Variants in ADGRL2 observed in about 807,000 individuals in gnomAD.
ADGRL2 encodes the protein adhesion G protein-coupled receptor L2.
Under a neutral mutation model 157.4 loss-of-function variants are expected in ADGRL2, and 44 were observed. The observed-to-expected ratio is 0.28, with a 90% confidence interval of 0.22 to 0.36. The LOEUF (loss-of-function observed/expected upper bound fraction) is 0.36, where lower values mean the gene tolerates loss of function less well. Ranked by LOEUF, ADGRL2 falls within the 10% of genes least tolerant of loss-of-function variation. ADGRL2 has a pLI of 1.00. For missense variants in ADGRL2, 1,510 were observed against 1,768.9 expected (o/e 0.85, Z 2.63); for synonymous variants, 585 against 624.7 (o/e 0.94, Z 0.95).
At chr1:81,382,805 A>C (rs2076365785) in intron 1 of ADGRL2, among the ~76,000 whole-genome samples, 1 of 152,238 alleles carries the variant, frequency 6.6e-6, no homozygotes, top group Admixed American at 6.5e-5. Flanking sequence ...GATTTTTATT[A>C]AGTGTGTAGA....
At chr1:81,698,929 TG>T, upstream of ADGRL2, among the ~76,000 whole-genome samples, 1 of 152,158 alleles carries the variant, frequency 6.6e-6, no homozygotes, top group East Asian at 1.9e-4. Context: ...ATAAATTAAC[TG>T]TCTACTGCTC....
chr1:81,377,015 C>A lies in ADGRL2; in HGVS notation c.-301-68021C>A, dbSNP rs752338887. ...CCAGACTGAGCCAAAAAGCGAGACA[C>A]CATCTCTCCAAAAAAAATTTTTTTT... On this transcript the variant is annotated intron_variant, in intron 1 of 24. Transcript: ENST00000370721. Among the ~76,000 whole-genome samples, 170 of 152,164 alleles carry A rather than the reference C, an allele frequency of 1.1e-3. 2 individuals carry two copies. The highest frequency in any genetic ancestry group is 4.1e-4 in the Non-Finnish European group (28 of 68,002).
At chr1:81,700,060 T>G (rs539602988) in intron 1 of ADGRL2, among the ~76,000 whole-genome samples, 1 of 152,320 alleles carries the variant, frequency 6.6e-6, no homozygotes, top group East Asian at 1.9e-4. Flanking sequence ...GCTGTGCTTG[T>G]GTGGTAACGG....
At chr1:81,792,982 A>G (rs893870550) in intron 2 of ADGRL2, among the ~76,000 whole-genome samples, 7 of 152,074 alleles carry the variant, frequency 4.6e-5, no homozygotes, top group Non-Finnish European at 8.8e-5. Context: ...TCTGCACTCA[A>G]GTCTTTTTGC....
chr1:81,984,854 A>G (rs761475179), intron 20 of ADGRL2, 143 bp downstream of exon 20: 14 of 892,288 alleles, frequency 1.6e-5, no homozygotes, highest in African/African-American at 6.8e-5. Context: ...TTTGGTTTCA[A>G]TGTCTTCTTA....
intron 1 of ADGRL2, among the ~76,000 whole-genome samples, chr1:81,393,583 T>C (rs1411084514): frequency 6.6e-6 from 1 of 152,114 alleles, no homozygotes; most frequent in Non-Finnish European, 1.5e-5. Flanking sequence ...TGTTGTCTTG[T>C]TTTAATTTAG....
intron 2 of ADGRL2, among the ~76,000 whole-genome samples, chr1:81,851,470 T>C (rs999103904): frequency 3.3e-5 from 5 of 152,016 alleles, no homozygotes; most frequent in Admixed American, 2.6e-4. Flanking sequence ...GTGAATTCTT[T>C]AGTAACTAGA....
intron 1 of ADGRL2, among the ~76,000 whole-genome samples, chr1:81,351,251 C>T (rs1266178198): frequency 3.3e-5 from 5 of 150,896 alleles, no homozygotes; most frequent in Admixed American, 3.3e-4. Context: ...TTTTTTTAAC[C>T]CTCTCTTTTT....
intron 2 of ADGRL2, among the ~76,000 whole-genome samples, chr1:81,476,019 A>G (rs1557718073): frequency 6.6e-6 from 1 of 152,214 alleles, no homozygotes; most frequent in Middle Eastern, 3.2e-3. Context: ...CAGTGCTTCC[A>G]TAGGTGTCAG....
intron 2 of ADGRL2, among the ~76,000 whole-genome samples, chr1:81,893,131 G>A (rs1221448206): frequency 3.3e-5 from 5 of 152,094 alleles, no homozygotes; most frequent in Non-Finnish European, 7.4e-5. Flanking sequence ...ATGGAGATAG[G>A]CACAGTGCAT....
At position 81,408,157 on chromosome 1, in the gene ADGRL2, G is replaced by T. The variant is rs76232751; in HGVS notation, c.-301-36879G>T. ...ATCATTATCATAAGCATTAGGGATA[G>T]CTTGCTTGAGGAATTCAGGACCACA... On this transcript the variant is annotated intron_variant, in intron 1 of 24. Transcript: ENST00000370721. 4.3e-3 allele frequency among the ~76,000 whole-genome samples: 655 copies of T among 152,262 alleles called. 5 individuals are homozygous for T. Among genetic ancestry groups the T allele is most frequent in the African/African-American group, 0.014 (601 of 41,552 alleles).
At chr1:81,607,239 G>A (rs1328011415) in intron 3 of ADGRL2, among the ~76,000 whole-genome samples, 2 of 152,084 alleles carry the variant, frequency 1.3e-5, no homozygotes, top group South Asian at 2.1e-4. Flanking sequence ...AAACACACTC[G>A]AAGTTAAACC....
chr1:81,681,761 G>A (rs1447566046), intron 3 of ADGRL2, among the ~76,000 whole-genome samples: 2 of 152,090 alleles, frequency 1.3e-5, no homozygotes, highest in African/African-American at 2.4e-5. Flanking sequence ...AAAGCAGGTG[G>A]GGCTTTGCCA....
chr1:81,746,811 G>C (rs2085261555), intron 1 of ADGRL2, among the ~76,000 whole-genome samples: 1 of 150,136 alleles, frequency 6.7e-6, no homozygotes, highest in Non-Finnish European at 1.5e-5. Flanking sequence ...CTGAGAATTA[G>C]TATACTAATT....
chr1:81,893,314 C>CTTTTTTTT (rs759728020), intron 2 of ADGRL2, among the ~76,000 whole-genome samples: 27 of 150,474 alleles, frequency 1.8e-4, no homozygotes, highest in African/African-American at 3.6e-4. Flanking sequence ...CTTATCAATC[C>CTTTTTTTT]TGTCTTGTAT....
At chr1:81,375,902 A>C (rs905066753) in intron 1 of ADGRL2, among the ~76,000 whole-genome samples, 5 of 152,054 alleles carry the variant, frequency 3.3e-5, no homozygotes, top group African/African-American at 1.2e-4. Context: ...GCAAGAATAC[A>C]TCCTTTGACA....
At chr1:81,348,023 G>T (rs1045256526) in intron 1 of ADGRL2, among the ~76,000 whole-genome samples, 1 of 152,210 alleles carries the variant, frequency 6.6e-6, no homozygotes, top group Non-Finnish European at 1.5e-5. Context: ...CAGGCCCAGA[G>T]GGCAAGGCTA....
At chr1:81,563,617 C>G (rs2080493964) in intron 2 of ADGRL2, among the ~76,000 whole-genome samples, 1 of 151,910 alleles carries the variant, frequency 6.6e-6, no homozygotes, top group Non-Finnish European at 1.5e-5. Flanking sequence ...CAGCTAAAAA[C>G]TCACTCTTTT....
At chr1:81,433,030 C>G (rs2077349584) in intron 1 of ADGRL2, among the ~76,000 whole-genome samples, 1 of 152,096 alleles carries the variant, frequency 6.6e-6, no homozygotes, top group South Asian at 2.1e-4. Context: ...GAAGGAACAT[C>G]TGGCTGAACA....
Sources: allele counts gnomAD v4.1 joint callset (sites outside exome capture counted in the v4.1 genomes callset), GRCh38; gene constraint gnomAD v4.1.1; transcripts MANE v1.5; gene names NCBI Gene and HGNC (gene_info 2026-07-23, HGNC 2026-07-21).